Variants in MVB12B observed in about 807,000 individuals in gnomAD.
The protein encoded by MVB12B is multivesicular body subunit 12B, also known as ESCRT-I complex subunit MVB12B.
MVB12B carries 16 observed loss-of-function variants against 41.6 expected under a neutral mutation model. The ratio of observed to expected loss-of-function variants is 0.38; its 90% confidence interval spans 0.26 to 0.58. The LOEUF (loss-of-function observed/expected upper bound fraction) is 0.58. Ranked by LOEUF, MVB12B falls within the 20% of genes least tolerant of loss-of-function variation. The probability of loss-of-function intolerance (pLI) is 0.62; values close to 1 mark genes in which losing one functional copy is unlikely to be tolerated. For missense variants in MVB12B, 274 were observed against 380.2 expected, an observed-to-expected ratio of 0.72 and a Z score of 2.32; for synonymous variants, 133 against 139.7, an observed-to-expected ratio of 0.95 and a Z score of 0.34.
chr9:126,500,186 C>A (rs1331058430), intron 9 of MVB12B, among the ~76,000 whole-genome samples: 1 of 151,708 alleles, frequency 6.6e-6, no homozygotes, highest in East Asian at 2.0e-4. Context: ...GGAACCCGGC[C>A]CAGTAGATAC....
intron 7 of MVB12B, among the ~76,000 whole-genome samples, chr9:126,442,788 G>A (rs1832671823): frequency 6.6e-6 from 1 of 152,148 alleles, no homozygotes; most frequent in Non-Finnish European, 1.5e-5. Flanking sequence ...CCTACAGCCG[G>A]CCAACATGAG....
At chr9:126,457,872 G>A (rs1166835715) in intron 7 of MVB12B, among the ~76,000 whole-genome samples, 3 of 152,188 alleles carry the variant, frequency 2.0e-5, no homozygotes, top group Non-Finnish European at 2.9e-5. Flanking sequence ...AGCCTCGCTG[G>A]AGTCAAGCTG....
At chr9:126,458,043 G>A (rs1175693050) in intron 7 of MVB12B, among the ~76,000 whole-genome samples, 8 of 152,138 alleles carry the variant, frequency 5.3e-5, no homozygotes, top group Non-Finnish European at 1.0e-4. Context: ...GGACCCCACC[G>A]TCAGTAGCCC....
intron 7 of MVB12B, among the ~76,000 whole-genome samples, chr9:126,474,881 G>A (rs963213985): frequency 5.9e-5 from 9 of 152,130 alleles, no homozygotes; most frequent in East Asian, 1.9e-4. Flanking sequence ...GAAGGCCCCC[G>A]GGATGACCCT....
intron 1 of MVB12B, among the ~76,000 whole-genome samples, chr9:126,334,385 A>G (rs77544977): frequency 0.011 from 1,623 of 152,308 alleles, 51 homozygotes; most frequent in East Asian, 0.066. Context: ...TGATTAGATG[A>G]CCAAATATAT....
intron 9 of MVB12B, among the ~76,000 whole-genome samples, chr9:126,500,734 C>T (rs1007582713): frequency 3.9e-5 from 6 of 152,232 alleles, no homozygotes; most frequent in African/African-American, 1.2e-4. Context: ...TCTCCGCAGG[C>T]ATGTGTGCCC....
chr9:126,364,878 A>G (rs1267851906), intron 2 of MVB12B, among the ~76,000 whole-genome samples: 1 of 151,480 alleles, frequency 6.6e-6, no homozygotes, highest in Non-Finnish European at 1.5e-5. Context: ...CAGCCTCCCA[A>G]GTAGCTGGGA....
chr9:126,381,154 T>A lies in MVB12B; in HGVS notation c.295T>A (p.Ser99Thr). 6.2e-7 allele frequency: 1 copy of A among 1,613,372 alleles called. No individual in the cohort carries two copies. Among genetic ancestry groups the A allele is most frequent in the Non-Finnish European group, 8.5e-7 (1 of 1,179,342 alleles). Residue 99 changes from serine (S) to threonine (T), a missense_variant, in exon 3 of 10, where the codon TCA becomes ACA. Coordinates refer to ENST00000361171, the MANE Select transcript of MVB12B (RefSeq NM_033446.3). ...TACCAGATACCTGTGTTTCACAAGA[T>A]CATTTTCCAAAGAAAATGTAAGTCT... ...KVTRYLCFTR[S>T]FSKENSHLGN...
rs1834085100 is a variant in MVB12B at position 126,506,943 on chromosome 9, ATTC to A, written c.*3681_*3683del. 1 of 152,676 alleles carries A rather than the reference ATTC, an allele frequency of 6.5e-6. No individual in the cohort carries two copies. The highest frequency in any genetic ancestry group is 1.5e-5 in the Non-Finnish European group (1 of 68,058). 9.5% of individuals were successfully genotyped at this position (152,676 alleles called of 1,614,324 possible). Reference sequence around the variant, plus strand: ...GGGATGACGTCCCCGCTGCATATTTATTCAAGGTGACTCTTGTACTTGGCAAGG... The same window carrying A: ...GGGATGACGTCCCCGCTGCATATTTAAAGGTGACTCTTGTACTTGGCAAGG... On this transcript the variant is annotated 3_prime_UTR_variant, in exon 10 of 10. Transcript: ENST00000361171.
intron 6 of MVB12B, among the ~76,000 whole-genome samples, chr9:126,404,618 G>A (rs1249344708): frequency 6.6e-6 from 1 of 152,210 alleles, no homozygotes; most frequent in African/African-American, 2.4e-5. Flanking sequence ...ATCCCACAGA[G>A]GCCCCTCTGG....
intron 9 of MVB12B, among the ~76,000 whole-genome samples, chr9:126,487,198 A>C (rs2119214593): frequency 6.6e-6 from 1 of 152,298 alleles, no homozygotes; most frequent in South Asian, 2.1e-4. Context: ...TAGTAATAAT[A>C]GTGCTTAGTC....
Position 126,486,523 on chromosome 9 carries a change from T to G in MVB12B, c.873+2491T>G, listed in dbSNP as rs1246689239. Among the ~76,000 whole-genome samples, 1 of 152,166 alleles carries G rather than the reference T, an allele frequency of 6.6e-6. No homozygotes were observed. Among genetic ancestry groups the G allele is most frequent in the African/African-American group, 2.4e-5 (1 of 41,432 alleles). On this transcript the variant is annotated intron_variant, in intron 9 of 9. Coordinates refer to ENST00000361171, the MANE Select transcript of MVB12B (RefSeq NM_033446.3). The surrounding 1 kb of genome is among the most constrained non-coding windows in gnomAD (Gnocchi z 4.7). ...GGCAGAACCTGTCTCACGGGGTGCT[T>G]TGTGATGCCAAATGGATATAGGTGG...
At chr9:126,500,098 A>T (rs1412830669) in intron 9 of MVB12B, among the ~76,000 whole-genome samples, 1 of 152,136 alleles carries the variant, frequency 6.6e-6, no homozygotes, top group Non-Finnish European at 1.5e-5. Context: ...CTGGCTGTGG[A>T]CACTCGGGCT....
intron 2 of MVB12B, among the ~76,000 whole-genome samples, chr9:126,344,616 T>C (rs1463906104): frequency 6.6e-6 from 1 of 152,212 alleles, no homozygotes; most frequent in Non-Finnish European, 1.5e-5. Context: ...GTGTAGGGGT[T>C]GGACACCGCT....
intron 6 of MVB12B, among the ~76,000 whole-genome samples, chr9:126,420,791 C>A (rs1443786953): frequency 6.6e-6 from 1 of 151,962 alleles, no homozygotes; most frequent in East Asian, 1.9e-4. Context: ...GATCTACCCA[C>A]CTCGGCCTCC....
rs141948784 is a variant in MVB12B at position 126,348,066 on chromosome 9, G to A, written c.204+7436G>A. Among the ~76,000 whole-genome samples, 79 of 152,324 alleles carry A rather than the reference G, an allele frequency of 5.2e-4. No homozygotes were observed. The East Asian group carries it at 0.015, about 29-fold the overall frequency. Reference sequence around the variant, plus strand: ...TGAGCACAGGGCTTTGCTATCGTGGGGCTACTAACTGCAGAAATAACCACA... The same window carrying A: ...TGAGCACAGGGCTTTGCTATCGTGGAGCTACTAACTGCAGAAATAACCACA... On this transcript the variant is annotated intron_variant, in intron 2 of 9. Transcript: ENST00000361171.
chr9:126,330,664 G>A (rs1339919235), intron 1 of MVB12B, among the ~76,000 whole-genome samples: 2 of 152,072 alleles, frequency 1.3e-5, no homozygotes, highest in African/African-American at 2.4e-5. Context: ...TGCACAGATC[G>A]GTGGCATTAT....
chr9:126,506,090 T>C lies in MVB12B; in HGVS notation c.*2827T>C, dbSNP rs1227899026. On this transcript the variant is annotated 3_prime_UTR_variant, in exon 10 of 10. Coordinates refer to ENST00000361171, the MANE Select transcript of MVB12B (RefSeq NM_033446.3). ...TTTGCTGCAGTCTCCCTTGCAAATG[T>C]ATAATTAAGGCCTTTCTTCCCACCC... 6.6e-6 allele frequency: 1 copy of C among 152,256 alleles called. No homozygotes were observed. The highest frequency in any genetic ancestry group is 1.5e-5 in the Non-Finnish European group (1 of 67,980). 9.4% of individuals were successfully genotyped at this position (152,256 alleles called of 1,614,324 possible).
In MVB12B at chr9:126,468,140, C is replaced by T. The variant is rs1161589647; in HGVS notation, c.758-13229C>T. On this transcript the variant is annotated intron_variant, in intron 7 of 9. Coordinates refer to ENST00000361171, the MANE Select transcript of MVB12B (RefSeq NM_033446.3). The surrounding 1 kb of genome is among the most constrained non-coding windows in gnomAD (Gnocchi z 4.3). ...TCCCATTGTTTTTGCCAGCTTGGAA[C>T]GTTAACATTCCTCAGCTCTGTCCCA... Among the ~76,000 whole-genome samples, 1 of 151,302 alleles carries T rather than the reference C, an allele frequency of 6.6e-6. No individual in the cohort carries two copies. Among genetic ancestry groups the T allele is most frequent in the African/African-American group, 2.4e-5 (1 of 41,394 alleles).
Sources: allele counts gnomAD v4.1 joint callset (sites outside exome capture counted in the v4.1 genomes callset), GRCh38; gene constraint gnomAD v4.1.1; non-coding constraint Gnocchi (gnomAD v3.1); transcripts MANE v1.5; gene names NCBI Gene and HGNC (gene_info 2026-07-23, HGNC 2026-07-21).